KSR2: variants seen among roughly 807,000 people sequenced by gnomAD.
The protein encoded by KSR2 is kinase suppressor of ras 2.
In KSR2, 25 loss-of-function variants were observed where a neutral mutation model predicts 107.8. That is an observed-to-expected ratio of 0.23 (90% CI 0.17 to 0.32). KSR2 has a LOEUF of 0.32. Among genes scored for constraint, KSR2 ranks in the 10% least tolerant of loss-of-function variants. The pLI, the probability that KSR2 is intolerant of heterozygous loss-of-function variation, is 1.00. For missense variants in KSR2, 887 were observed against 1,268.9 expected (o/e 0.70, Z 4.57); for synonymous variants, 480 against 507.0 (o/e 0.95, Z 0.71).
intron 3 of KSR2, among the ~76,000 whole-genome samples, chr12:117,818,873 G>A (rs1891466789): frequency 6.6e-6 from 1 of 152,082 alleles, no homozygotes. Flanking sequence ...AACTCATAAT[G>A]TTTAGACCAG....
chr12:117,692,052 C>T (rs547601410), intron 4 of KSR2, among the ~76,000 whole-genome samples: 2 of 152,106 alleles, frequency 1.3e-5, no homozygotes, highest in South Asian at 4.2e-4. Flanking sequence ...TGCTATCAGG[C>T]TGGTAGAGGC....
chr12:117,889,912 A>G lies in KSR2; in HGVS notation c.181-29481T>C, dbSNP rs778521729. Among the ~76,000 whole-genome samples, 73 of 152,202 alleles carry G rather than the reference A, an allele frequency of 4.8e-4. 1 individual carries two copies. Among genetic ancestry groups the G allele is most frequent in the Non-Finnish European group, 8.8e-4 (60 of 68,036 alleles). Reference sequence around the variant, plus strand: ...ACAACAGGGAGGTATTCACCCCCGAATATCAGTAGTGCCAAGGTTGAAACA... The same window carrying G: ...ACAACAGGGAGGTATTCACCCCCGAGTATCAGTAGTGCCAAGGTTGAAACA... On this transcript the variant is annotated intron_variant, in intron 1 of 19. Coordinates refer to ENST00000339824, the MANE Select transcript of KSR2 (RefSeq NM_173598.6).
intron 1 of KSR2, among the ~76,000 whole-genome samples, chr12:117,944,151 C>T (rs555858599): frequency 4.6e-5 from 7 of 151,966 alleles, no homozygotes; most frequent in Admixed American, 1.3e-4. Flanking sequence ...CTGAGGCAGG[C>T]GGATCACCTG....
intron 3 of KSR2, among the ~76,000 whole-genome samples, chr12:117,780,202 C>T (rs914354478): frequency 6.6e-6 from 1 of 152,158 alleles, no homozygotes; most frequent in African/African-American, 2.4e-5. Context: ...GGCAATTCTA[C>T]TCCTAGGTCG....
At chr12:117,813,747 A>G (rs928659758) in intron 3 of KSR2, among the ~76,000 whole-genome samples, 3 of 152,214 alleles carry the variant, frequency 2.0e-5, no homozygotes, top group African/African-American at 4.8e-5. Context: ...TAGAATTGCC[A>G]TATTATCCAG....
intron 4 of KSR2, among the ~76,000 whole-genome samples, chr12:117,698,377 G>A (rs1886159333): frequency 6.6e-6 from 1 of 151,402 alleles, no homozygotes; most frequent in African/African-American, 2.4e-5. Context: ...ATGCAGTGAT[G>A]CAATCACAGC....
At chr12:117,499,735 C>T (rs1212061862) in intron 14 of KSR2, among the ~76,000 whole-genome samples, 1 of 152,136 alleles carries the variant, frequency 6.6e-6, no homozygotes, top group Non-Finnish European at 1.5e-5. Context: ...AAGTTTGGTC[C>T]CTAATGAGGA....
chr12:117,815,559 CATT>C (rs1475311988), intron 3 of KSR2, among the ~76,000 whole-genome samples: 1 of 152,110 alleles, frequency 6.6e-6, no homozygotes, highest in East Asian at 1.9e-4. Flanking sequence ...TAGACAAAAT[CATT>C]ATCTTCACAG....
At chr12:117,740,371 G>T (rs1368010017) in intron 4 of KSR2, among the ~76,000 whole-genome samples, 1 of 132,344 alleles carries the variant, frequency 7.6e-6, no homozygotes, top group Non-Finnish European at 1.6e-5. Context: ...ATATATATTA[G>T]ATATGTTATA....
intron 5 of KSR2, among the ~76,000 whole-genome samples, chr12:117,637,460 G>C (rs74756717): frequency 1.4e-3 from 217 of 152,260 alleles, no homozygotes; most frequent in African/African-American, 5.1e-3. Flanking sequence ...GTTGTCAATA[G>C]CACTGAGGTT....
At chr12:117,923,390 A>AT (rs1308634310) in intron 1 of KSR2, among the ~76,000 whole-genome samples, 1 of 152,228 alleles carries the variant, frequency 6.6e-6, no homozygotes, top group East Asian at 1.9e-4. Context: ...ACTTTATAGA[A>AT]TATAACTGCC....
chr12:117,713,897 T>C (rs1206239241), intron 4 of KSR2, among the ~76,000 whole-genome samples: 1 of 152,184 alleles, frequency 6.6e-6, no homozygotes, highest in Non-Finnish European at 1.5e-5. Flanking sequence ...CAGCAACCCA[T>C]TGCTTCTAAG....
chr12:117,942,538 G>A (rs868392068), intron 1 of KSR2, among the ~76,000 whole-genome samples: 38 of 149,436 alleles, frequency 2.5e-4, no homozygotes, highest in African/African-American at 8.1e-4. Flanking sequence ...ACCCAGGCTG[G>A]AGTGTAGTAG....
chr12:117,797,446 C>G, intron 3 of KSR2, among the ~76,000 whole-genome samples: 1 of 152,066 alleles, frequency 6.6e-6, no homozygotes, highest in East Asian at 1.9e-4. Flanking sequence ...TCCATTAAGA[C>G]AGAAAGTAGA....
chr12:117,852,078 G>T (rs1892948748), intron 3 of KSR2, among the ~76,000 whole-genome samples: 2 of 151,738 alleles, frequency 1.3e-5, no homozygotes, highest in African/African-American at 4.9e-5. Flanking sequence ...TGTGGGGGGG[G>T]TCACAATATA....
In KSR2 at chr12:117,460,765, T is replaced by C. The variant is rs1003573533; in HGVS notation, c.*6434A>G. The C allele has an allele frequency of 6.6e-6, 1 of 152,156 alleles. No individual in the cohort carries two copies. Among genetic ancestry groups the C allele is most frequent in the Non-Finnish European group, 1.5e-5 (1 of 68,062 alleles). The allele number at this position is 152,156 out of a possible 1,614,324, so 9.4% of individuals were successfully genotyped here. On this transcript the variant is annotated 3_prime_UTR_variant, in exon 20 of 20. Transcript: ENST00000339824. ...AAAGACTCGTTTTTAAAATGCTGGG[T>C]CTGCAATTTGGAGGCTGGTTTCTGT...
chr12:117,699,703 T>C (rs1201593888), intron 4 of KSR2, among the ~76,000 whole-genome samples: 4 of 152,070 alleles, frequency 2.6e-5, no homozygotes, highest in Non-Finnish European at 4.4e-5. Context: ...AGTCAGTGAG[T>C]AAGTGGTGAA....
intron 1 of KSR2, among the ~76,000 whole-genome samples, chr12:117,957,748 TAC>T (rs60722226): frequency 1.6e-3 from 237 of 148,028 alleles, no homozygotes; most frequent in African/African-American, 3.8e-3. Flanking sequence ...AATTGTGAGT[TAC>T]ACACACACAC....
Position 117,640,407 on chromosome 12 carries a change from C to T in KSR2, c.1171+27067G>A, listed in dbSNP as rs989796424. Among the ~76,000 whole-genome samples the T allele has an allele frequency of 4.6e-5, 7 of 151,642 alleles. No homozygotes were observed. The East Asian group carries it at 7.8e-4, about 17-fold the overall frequency. ...CTGGGATTACAGGCATGTGCCACCA[C>T]GCCCGGCTAAATTTTGTATTTTCAG... On this transcript the variant is annotated intron_variant, in intron 5 of 19. Transcript: ENST00000339824.
Sources: allele counts gnomAD v4.1 joint callset (sites outside exome capture counted in the v4.1 genomes callset), GRCh38; gene constraint gnomAD v4.1.1; transcripts MANE v1.5; gene names NCBI Gene and HGNC (gene_info 2026-07-23, HGNC 2026-07-21).